SYNJ2: variants seen among roughly 807,000 people sequenced by gnomAD.
The protein encoded by SYNJ2 is synaptojanin 2.
In SYNJ2, 116 loss-of-function variants were observed where a neutral mutation model predicts 141.3. The ratio of observed to expected loss-of-function variants is 0.82; its 90% CI spans 0.71 to 0.96. The LOEUF (loss-of-function observed/expected upper bound fraction) is 0.96, where lower values mean the gene tolerates loss of function less well. Ranked by LOEUF, SYNJ2 falls within the 40% of genes least tolerant of loss-of-function variation. The pLI is 0.00. For missense variants in SYNJ2, 1,873 were observed against 1,934.8 expected, an observed-to-expected ratio of 0.97 and a Z score of 0.60; for synonymous variants, 745 against 777.7, an observed-to-expected ratio of 0.96 and a Z score of 0.70.
At chr6:158,022,007 G>A (rs991953946) in intron 2 of SYNJ2, among the ~76,000 whole-genome samples, 16 of 152,190 alleles carry the variant, frequency 1.1e-4, no homozygotes, top group Non-Finnish European at 1.9e-4. Context: ...GTTCACTGCT[G>A]TGGCCGCCGC....
At position 157,982,086 on chromosome 6, in the gene SYNJ2, T is replaced by C; in HGVS notation, c.125T>C (p.Leu42Pro). ...LLFEAGTVAT[L>P]APEEKEVIKG... Reference sequence around the variant, plus strand: ...TTCGAGGCCGGCACGGTGGCCACGCTGGGTGAGTCCGGGCCGGGGGCAGCG... The same window carrying C: ...TTCGAGGCCGGCACGGTGGCCACGCCGGGTGAGTCCGGGCCGGGGGCAGCG... The change falls in exon 1 of 27, where the codon CTG (leucine) becomes CCG (proline). Residue 42 changes from leucine to proline, a missense_variant and splice_region_variant. Leu to Pro is a moderately conservative substitution (Grantham distance 98, BLOSUM62 -3). Transcript: ENST00000355585. The surrounding 1 kb of genome is among the most constrained non-coding windows in gnomAD (Gnocchi z 4.0). The C allele has an allele frequency of 3.0e-6, 4 of 1,333,588 alleles. No individual in the cohort carries two copies. Among genetic ancestry groups the C allele is most frequent in the Non-Finnish European group, 3.8e-6 (4 of 1,044,070 alleles). 82.6% of individuals were successfully genotyped at this position (1,333,588 alleles called of 1,614,324 possible).
At chr6:158,017,400 C>T in intron 2 of SYNJ2, 110 bp downstream of exon 2, 1 of 1,034,910 alleles carries the variant, frequency 9.7e-7, no homozygotes, top group Non-Finnish European at 1.3e-6. Context: ...TCTTCTCTCT[C>T]TCTTCTTTTT....
At chr6:158,091,246 G>A (rs1157261394) in intron 25 of SYNJ2, among the ~76,000 whole-genome samples, 3 of 152,022 alleles carry the variant, frequency 2.0e-5, no homozygotes, top group Admixed American at 6.6e-5. Flanking sequence ...AGCCCGGGAG[G>A]TGGAGCTCGC....
Position 158,065,078 on chromosome 6 carries a change from C to A in SYNJ2, c.1525+87C>A, listed in dbSNP as rs6931323. 150 of 1,427,864 alleles carry A rather than the reference C, an allele frequency of 1.1e-4. 1 individual carries two copies. In the South Asian group the frequency reaches 2.1e-3, roughly 20 times the overall value. The allele number at this position is 1,427,864 out of a possible 1,614,324, so 88.4% of individuals were successfully genotyped here. ...CACCGCCTCTGTGCTATCCAGAGAG[C>A]GGGTGGCAGAGGTGCCTGGGATCTG... On this transcript the variant is annotated intron_variant, in intron 11 of 26. Coordinates refer to ENST00000355585, the MANE Select transcript of SYNJ2 (RefSeq NM_003898.4).
chr6:158,035,140 C>A (rs1779572733), intron 4 of SYNJ2, among the ~76,000 whole-genome samples: 1 of 152,190 alleles, frequency 6.6e-6, no homozygotes, highest in South Asian at 2.1e-4. Flanking sequence ...GTTCTTTTTG[C>A]TTAGGATTGC....
intron 8 of SYNJ2, 128 bp downstream of exon 8, chr6:158,062,292 G>A: frequency 7.0e-7 from 1 of 1,419,592 alleles, no homozygotes; most frequent in Non-Finnish European, 9.3e-7. Context: ...TAGGACATGT[G>A]CCCTATGAGG....
chr6:158,071,719 G>T lies in SYNJ2; in HGVS notation c.2058G>T (p.Leu686=), dbSNP rs114458065. 878 of 1,614,084 alleles carry T rather than the reference G, an allele frequency of 5.4e-4. 7 individuals are homozygous for T. The African/African-American group carries it at 0.011, about 20-fold the overall frequency. The change falls in exon 15 of 27, where the codon CTG becomes CTT. Residue 686 remains leucine, a synonymous_variant. Coordinates refer to ENST00000355585, the MANE Select transcript of SYNJ2 (RefSeq NM_003898.4). The surrounding 1 kb of genome is among the most constrained non-coding windows in gnomAD (Gnocchi z 4.3). ...GCTTCTGCTTCATATGTAGTCACCT[G>T]ACGGCCGGGCAGTCCCAGGTGAAGG... ...STSFCFICSH[L]TAGQSQVKER...
At chr6:157,994,123 G>A (rs1436139330) in intron 1 of SYNJ2, among the ~76,000 whole-genome samples, 1 of 152,138 alleles carries the variant, frequency 6.6e-6, no homozygotes, top group Non-Finnish European at 1.5e-5. Flanking sequence ...CCCAGCCAGT[G>A]TGTGGTCTTT....
At chr6:158,006,031 T>C (rs1237234926) in intron 1 of SYNJ2, among the ~76,000 whole-genome samples, 1 of 152,182 alleles carries the variant, frequency 6.6e-6, no homozygotes, top group Non-Finnish European at 1.5e-5. Flanking sequence ...CTTGGCTGCA[T>C]TGGTCCTGAC....
intron 1 of SYNJ2, among the ~76,000 whole-genome samples, chr6:158,008,262 C>G (rs1360572189): frequency 6.6e-6 from 1 of 152,242 alleles, no homozygotes; most frequent in Non-Finnish European, 1.5e-5. Flanking sequence ...CATGAGCCAC[C>G]ACGTCTGGCC....
Position 158,081,503 on chromosome 6 carries a change from G to A in SYNJ2, c.2858G>A (p.Gly953Asp), listed in dbSNP as rs555598504. 1 of 1,613,408 alleles carries A rather than the reference G, an allele frequency of 6.2e-7. No individual in the cohort carries two copies. Among genetic ancestry groups the A allele is most frequent in the Non-Finnish European group, 8.5e-7 (1 of 1,179,830 alleles). The change falls in exon 20 of 27, where the codon GGT (glycine) becomes GAT (aspartate). Residue 953 changes from glycine (G) to aspartate (D), a missense_variant. Physicochemically the swap from Gly to Asp is moderately conservative, Grantham distance 94. Transcript: ENST00000355585. ...HSALSVLDVD[G>D]MKVKGRAVKI... ...GCTCTCAGTGTCCTGGACGTGGACG[G>A]TATGAAGGTACGCTGTACTTGGCCA... is the stretch of plus-strand genomic sequence containing the variant.
chr6:158,071,809 G>A lies in SYNJ2; in HGVS notation c.2133+15G>A. The A allele has an allele frequency of 6.2e-7, 1 of 1,610,400 alleles. No individual in the cohort carries two copies. Among genetic ancestry groups the A allele is most frequent in the Non-Finnish European group, 8.5e-7 (1 of 1,179,034 alleles). ...GCTTCCCAATGGTGAGCGGCGCCGT[G>A]GGGACAGCCAGCACCTCCCTGCTCA... On this transcript the variant is annotated intron_variant, in intron 15 of 26. Transcript: ENST00000355585. This position sits in a 1 kb window ranked among gnomAD's most constrained non-coding sequence, Gnocchi z 4.3.
chr6:158,032,604 C>A (rs1779425649), intron 3 of SYNJ2, among the ~76,000 whole-genome samples: 1 of 152,194 alleles, frequency 6.6e-6, no homozygotes, highest in Non-Finnish European at 1.5e-5. Context: ...AGAGCGCGGG[C>A]TCCAAGCTCC....
chr6:158,093,983 T>C (rs769587844), intron 26 of SYNJ2: 1 of 765,338 alleles, frequency 1.3e-6, no homozygotes, highest in Non-Finnish European at 2.4e-6. Context: ...GACTGGCATC[T>C]GTAGACACAT....
Position 158,096,800 on chromosome 6 carries a change from G to T in SYNJ2, c.*436G>T. Reference sequence around the variant, plus strand: ...ACCTGAAGGTTGATGTATAAAGTAAGGATTAGAGAAAGAGGTCGTTGTGAC... The same window carrying T: ...ACCTGAAGGTTGATGTATAAAGTAATGATTAGAGAAAGAGGTCGTTGTGAC... On this transcript the variant is annotated 3_prime_UTR_variant, in exon 27 of 27. Coordinates refer to ENST00000355585, the MANE Select transcript of SYNJ2 (RefSeq NM_003898.4). The T allele has an allele frequency of 6.3e-6, 1 of 159,768 alleles. No individual in the cohort carries two copies. The highest frequency in any genetic ancestry group is 6.2e-5 in the Admixed American group (1 of 16,056). The allele number at this position is 159,768 out of a possible 1,614,324, so 9.9% of individuals were successfully genotyped here.
At chr6:157,997,540 G>A (rs1224089116) in intron 1 of SYNJ2, among the ~76,000 whole-genome samples, 1 of 152,150 alleles carries the variant, frequency 6.6e-6, no homozygotes, top group Non-Finnish European at 1.5e-5. Context: ...GGAAAAGCAA[G>A]GGAAGATGCT....
chr6:157,984,102 T>C (rs925399126), intron 1 of SYNJ2, among the ~76,000 whole-genome samples: 45 of 152,286 alleles, frequency 3.0e-4, no homozygotes, highest in African/African-American at 1.1e-3. Context: ...TCCCAAAGCG[T>C]TGGGATTACA....
At position 158,095,598 on chromosome 6, in the gene SYNJ2, T is replaced by G. The variant is rs779442918; in HGVS notation, c.3745-20T>G. ...AGTTATTGGCTTCTTATTTACACTCTTTGTCCCACCTTTTCTCAGCCCCTG... is the reference window on the plus strand; with the variant it reads ...AGTTATTGGCTTCTTATTTACACTCGTTGTCCCACCTTTTCTCAGCCCCTG... On this transcript the variant is annotated intron_variant, in intron 26 of 26. Transcript: ENST00000355585. 7 of 1,568,576 alleles carry G rather than the reference T, an allele frequency of 4.5e-6. No homozygotes were observed. The highest frequency in any genetic ancestry group is 6.0e-6 in the Non-Finnish European group (7 of 1,160,886).
intron 1 of SYNJ2, among the ~76,000 whole-genome samples, chr6:157,985,272 A>G (rs548605170): frequency 6.6e-6 from 1 of 152,302 alleles, no homozygotes; most frequent in South Asian, 2.1e-4. Context: ...GTCCTGCTCT[A>G]AAGTGAACTC....
Sources: gnomAD v4.1 joint callset for allele counts (sites outside exome capture counted in the v4.1 genomes callset) on GRCh38, gnomAD v4.1.1 for gene constraint, Gnocchi (gnomAD v3.1) non-coding constraint, MANE v1.5 for transcripts, NCBI Gene and HGNC (gene_info 2026-07-23, HGNC 2026-07-21) for gene names.